Variants in KMT2C observed in about 807,000 individuals in gnomAD.
KMT2C encodes lysine methyltransferase 2C.
KMT2C carries 88 observed loss-of-function variants against 507.9 expected under a neutral mutation model. The ratio of observed to expected loss-of-function variants is 0.17; its 90% CI spans 0.15 to 0.21. The LOEUF is 0.21. Among genes scored for constraint, KMT2C ranks in the 10% least tolerant of loss-of-function variants. KMT2C has a pLI of 1.00. For missense variants in KMT2C, 4,954 were observed against 5,957.8 expected, an observed-to-expected ratio of 0.83 and a Z score of 5.55; for synonymous variants, 2,049 against 2,080.8, an observed-to-expected ratio of 0.98 and a Z score of 0.42.
chr7:152,391,238 T>G (rs895415689), intron 1 of KMT2C, among the ~76,000 whole-genome samples: 4 of 148,908 alleles, frequency 2.7e-5, no homozygotes. Flanking sequence ...TTGTTTGTTT[T>G]TTGTTTGTTT....
rs958279247 is a variant in KMT2C at position 152,330,976 on chromosome 7, T to C, written c.251-237A>G. Among the ~76,000 whole-genome samples the C allele has an allele frequency of 2.6e-5, 4 of 152,232 alleles. 1 individual carries two copies. The South Asian group carries it at 8.3e-4, about 32-fold the overall frequency. On this transcript the variant is annotated intron_variant, in intron 2 of 58. Coordinates refer to ENST00000262189, the MANE Select transcript of KMT2C (RefSeq NM_170606.3). ...GGTATACTTTTCCTTGTGCCCAAAT[T>C]ATAGCTGACTCAGAGAAGTTTCATC...
intron 9 of KMT2C, among the ~76,000 whole-genome samples, chr7:152,253,514 CAAAAAAAAAAA>C (rs71198770): frequency 0.02 from 803 of 39,522 alleles, 11 homozygotes; most frequent in Non-Finnish European, 0.021. Flanking sequence ...TCTTTCTCTA[CAAAAAAAAAAA>C]AAAAAAAAAA....
At chr7:152,410,936 G>A (rs75597819) in intron 1 of KMT2C, among the ~76,000 whole-genome samples, 32 of 151,746 alleles carry the variant, frequency 2.1e-4, no homozygotes, top group African/African-American at 7.3e-4. Context: ...TTGGAAGGTC[G>A]AGGCTGCAGT....
intron 3 of KMT2C, among the ~76,000 whole-genome samples, chr7:152,322,960 A>T (rs1201407729): frequency 6.6e-6 from 1 of 152,050 alleles, no homozygotes; most frequent in Non-Finnish European, 1.5e-5. Flanking sequence ...TAAAACAAGT[A>T]TATATCACGT....
intron 1 of KMT2C, among the ~76,000 whole-genome samples, chr7:152,376,485 T>C (rs113469484): frequency 6.6e-6 from 1 of 152,200 alleles, no homozygotes; most frequent in African/African-American, 2.4e-5. Flanking sequence ...AAAAGCACTA[T>C]GTCAGTGAAC....
chr7:152,255,130 T>TATACAC (rs1554583833), intron 9 of KMT2C, among the ~76,000 whole-genome samples: 1 of 123,200 alleles, frequency 8.1e-6, no homozygotes, highest in African/African-American at 3.5e-5. Flanking sequence ...TATATATATA[T>TATACAC]ATATATATAT....
At position 152,157,745 on chromosome 7, in the gene KMT2C, T is replaced by C. The variant is rs113964186; in HGVS notation, c.11670+1118A>G. ...CCAAAGATGAAGCAAGACAACACCT[T>C]GGCAGAGAAACATACCTTGTAGATC... On this transcript the variant is annotated intron_variant, in intron 44 of 58. Transcript: ENST00000262189. 3.6e-5 allele frequency: 44 copies of C among 1,209,040 alleles called. No homozygotes were observed. The African/African-American group carries it at 6.4e-4, about 18-fold the overall frequency. The allele number at this position is 1,209,040 out of a possible 1,614,324, so 74.9% of individuals were successfully genotyped here.
chr7:152,222,122 T>C (rs1418355365), intron 21 of KMT2C, 56 bp from the exon 22 acceptor site: 2 of 1,119,288 alleles, frequency 1.8e-6, no homozygotes, highest in East Asian at 4.9e-5. Flanking sequence ...AAAGTGTATT[T>C]AAATACTTAT....
At chr7:152,188,128 T>C (rs1284748473) in intron 31 of KMT2C, among the ~76,000 whole-genome samples, 3 of 152,242 alleles carry the variant, frequency 2.0e-5, no homozygotes, top group Non-Finnish European at 4.4e-5. Flanking sequence ...ACAGAAGAGA[T>C]GCTTATACTT....
chr7:152,414,542 AAC>A (rs2097714742), intron 1 of KMT2C, among the ~76,000 whole-genome samples: 1 of 152,324 alleles, frequency 6.6e-6, no homozygotes, highest in East Asian at 1.9e-4. Flanking sequence ...AAAAGAAAGA[AAC>A]ACACAGAGTT....
intron 6 of KMT2C, among the ~76,000 whole-genome samples, chr7:152,291,895 T>C (rs1464716510): frequency 6.6e-6 from 1 of 152,240 alleles, no homozygotes; most frequent in Non-Finnish European, 1.5e-5. Flanking sequence ...TAAAACATAA[T>C]TTAATTAACT....
chr7:152,307,858 A>G (rs1410336894), intron 6 of KMT2C, among the ~76,000 whole-genome samples: 1 of 152,218 alleles, frequency 6.6e-6, no homozygotes, highest in African/African-American at 2.4e-5. Flanking sequence ...AGTATCAAAC[A>G]CTACGAGTTT....
rs2129164400 is a variant in KMT2C at position 152,248,445 on chromosome 7, C to G, written c.1989G>C (p.Gln663His). 1 of 1,614,104 alleles carries G rather than the reference C, an allele frequency of 6.2e-7. No individual in the cohort carries two copies. The highest frequency in any genetic ancestry group is 1.1e-5 in the South Asian group (1 of 91,078). The change falls in exon 14 of 59, where the codon CAG becomes CAC. Residue 663 changes from glutamine (Q) to histidine (H), a missense_variant. This residue lies in a region of KMT2C where 376 missense variants were observed against 352.4 expected (regional missense o/e 1.07). Transcript: ENST00000262189. The stretch of plus-strand genomic sequence containing the variant: ...CCTCTAACAACTGCAGTTGTTCTTG[C>G]TGCACAGTGATCTGGTGTGTAACGA... ...IEVVTHQITVQQEQLQLLEEP... is the reference protein window; with the variant it reads ...IEVVTHQITVHQEQLQLLEEP...
rs1234935360 is a variant in KMT2C, at chr7:152,199,401, T to A, written c.4151A>T (p.Asp1384Val). 3 of 1,595,280 alleles carry A rather than the reference T, an allele frequency of 1.9e-6. No individual in the cohort carries two copies. Among genetic ancestry groups the A allele is most frequent in the African/African-American group, 2.7e-5 (2 of 73,644 alleles). ...DTSRQSKISL[D>V]NLSEDGAQLL... ...CTGAGCTCCATCTTCTGACAGATTA[T>A]CTAAACTTATCTTGCTTTGTCTACT... Residue 1384 changes from aspartate to valine, a missense_variant, in exon 27 of 59, where the codon GAT becomes GTT. Asp to Val is a radical substitution (Grantham distance 152, BLOSUM62 -3). This residue lies in a region of KMT2C where 140 missense variants were observed against 118.4 expected (regional missense o/e 1.18). Transcript: ENST00000262189.
At chr7:152,174,388 C>T (rs971821763) in intron 38 of KMT2C, 146 bp from the exon 39 acceptor site, 1 of 551,964 alleles carries the variant, frequency 1.8e-6, no homozygotes. Flanking sequence ...TGGGTTTAAT[C>T]GCATCTCAGT....
chr7:152,301,213 A>C (rs1589034832), intron 6 of KMT2C, among the ~76,000 whole-genome samples: 1 of 147,778 alleles, frequency 6.8e-6, no homozygotes, highest in Non-Finnish European at 1.5e-5. Flanking sequence ...AAAAAAAAAA[A>C]AGAAAAGTTG....
intron 39 of KMT2C, among the ~76,000 whole-genome samples, chr7:152,173,353 A>G (rs1203701223): frequency 1.3e-5 from 2 of 152,320 alleles, no homozygotes; most frequent in African/African-American, 4.8e-5. Flanking sequence ...TTATTGACAG[A>G]GGTTCTCATA....
At chr7:152,271,329 C>G (rs184368149) in intron 7 of KMT2C, among the ~76,000 whole-genome samples, 2 of 152,032 alleles carry the variant, frequency 1.3e-5, no homozygotes, top group African/African-American at 4.8e-5. Context: ...AGATTATGAT[C>G]GTCTTAACAG....
chr7:152,146,229 A>AC (rs906761905), intron 53 of KMT2C, among the ~76,000 whole-genome samples: 13 of 152,212 alleles, frequency 8.5e-5, no homozygotes, highest in African/African-American at 3.1e-4. Context: ...GGCCATAAAT[A>AC]CCCAAGTGTC....
Sources: allele counts gnomAD v4.1 joint callset (sites outside exome capture counted in the v4.1 genomes callset), GRCh38; gene constraint gnomAD v4.1.1; regional missense constraint gnomAD v4.1.1; transcripts MANE v1.5; gene names NCBI Gene and HGNC (gene_info 2026-07-23, HGNC 2026-07-21).